The following UVRAG variants were observed in gnomAD, a reference collection of about 807,000 sequenced individuals.
UVRAG encodes UV radiation resistance-associated gene protein.
UVRAG carries 19 observed loss-of-function variants against 78.0 expected under a neutral mutation model. That is an observed-to-expected ratio of 0.24 (90% CI 0.17 to 0.36). UVRAG has a LOEUF of 0.36. Among genes scored for constraint, UVRAG ranks in the 10% least tolerant of loss-of-function variants. UVRAG has a pLI of 1.00. For missense variants in UVRAG, 740 were observed against 853.8 expected (o/e 0.87, Z 1.66); for synonymous variants, 323 against 324.6 (o/e 1.00, Z 0.05).
intron 13 of UVRAG, among the ~76,000 whole-genome samples, chr11:76,071,425 A>G (rs927884250): frequency 2.1e-4 from 32 of 152,140 alleles, no homozygotes; most frequent in African/African-American, 7.5e-4. Flanking sequence ...TGGCAGAGGT[A>G]CCCAGGGAGC....
chr11:75,952,088 TG>T (rs1296286205), intron 6 of UVRAG, among the ~76,000 whole-genome samples: 2 of 152,208 alleles, frequency 1.3e-5, no homozygotes, highest in Admixed American at 1.3e-4. Context: ...AGTTATTTAT[TG>T]ATATTAAATA....
intron 1 of UVRAG, among the ~76,000 whole-genome samples, chr11:75,825,769 A>G (rs745997107): frequency 6.6e-6 from 1 of 152,068 alleles, no homozygotes; most frequent in Non-Finnish European, 1.5e-5. Flanking sequence ...TGCTTGTGGC[A>G]GAGAAATAAA....
At chr11:75,952,499 T>G (rs374629801) in intron 6 of UVRAG, among the ~76,000 whole-genome samples, 1 of 152,004 alleles carries the variant, frequency 6.6e-6, no homozygotes, top group South Asian at 2.1e-4. Flanking sequence ...AAATGCTTCT[T>G]TTTTTGAATC....
At chr11:76,065,560 A>C in intron 12 of UVRAG, 150 bp from the exon 13 acceptor site, 1 of 587,438 alleles carries the variant, frequency 1.7e-6, no homozygotes, top group Non-Finnish European at 3.0e-6. Context: ...TATTATGAAG[A>C]TGTCAGTAGA....
intron 13 of UVRAG, among the ~76,000 whole-genome samples, chr11:76,076,308 G>A (rs1010120899): frequency 4.6e-5 from 7 of 152,168 alleles, no homozygotes; most frequent in African/African-American, 1.4e-4. Flanking sequence ...TGGACTCACA[G>A]ATCCACATGA....
At chr11:76,081,599 A>G (rs1951495234) in intron 13 of UVRAG, among the ~76,000 whole-genome samples, 1 of 152,138 alleles carries the variant, frequency 6.6e-6, no homozygotes, top group South Asian at 2.1e-4. Context: ...TAACAGTAAT[A>G]TTCTACAATT....
intron 13 of UVRAG, among the ~76,000 whole-genome samples, chr11:76,091,137 G>T (rs1461273495): frequency 6.6e-6 from 1 of 152,108 alleles, no homozygotes; most frequent in Non-Finnish European, 1.5e-5. Flanking sequence ...TGACTGAAAT[G>T]GAATGTTAGG....
At chr11:76,120,457 G>C (rs1233219337) in intron 14 of UVRAG, among the ~76,000 whole-genome samples, 1 of 152,110 alleles carries the variant, frequency 6.6e-6, no homozygotes, top group Non-Finnish European at 1.5e-5. Context: ...GCAACTCTCA[G>C]TTCTAAGGTA....
intron 6 of UVRAG, among the ~76,000 whole-genome samples, chr11:75,945,213 G>C (rs1221325093): frequency 1.3e-5 from 2 of 152,082 alleles, no homozygotes; most frequent in East Asian, 3.8e-4. Context: ...TTGTGCTTTG[G>C]GGGGTTAAGA....
Position 76,141,455 on chromosome 11 carries a change from T to A in UVRAG, c.*42T>A. ...GTAGGACTGGGGCAGAAGCTCTGCC[T>A]AAAATGAAGTGAAAGCTGCACTTAA... On this transcript the variant is annotated 3_prime_UTR_variant, in exon 15 of 15. Coordinates refer to ENST00000356136, the MANE Select transcript of UVRAG (RefSeq NM_003369.4). 2 of 1,548,452 alleles carry A rather than the reference T, an allele frequency of 1.3e-6. No homozygotes were observed. Among genetic ancestry groups the A allele is most frequent in the Non-Finnish European group, 1.8e-6 (2 of 1,135,436 alleles).
chr11:75,982,182 C>T (rs1253480895), intron 7 of UVRAG, among the ~76,000 whole-genome samples: 1 of 152,122 alleles, frequency 6.6e-6, no homozygotes, highest in African/African-American at 2.4e-5. Flanking sequence ...TAGCTGGCTT[C>T]CTCTGAGACC....
chr11:75,925,448 T>C (rs541155122), intron 6 of UVRAG, among the ~76,000 whole-genome samples: 7 of 152,348 alleles, frequency 4.6e-5, no homozygotes, highest in Non-Finnish European at 1.5e-5. Context: ...TGTTTATCTA[T>C]TGAGAGTGGA....
At chr11:75,917,849 TG>T (rs1408153106) in intron 6 of UVRAG, among the ~76,000 whole-genome samples, 1 of 152,246 alleles carries the variant, frequency 6.6e-6, no homozygotes, top group African/African-American at 2.4e-5. Flanking sequence ...ATGTCTCATC[TG>T]TCGACCCTTC....
intron 10 of UVRAG, 64 bp downstream of exon 10, chr11:76,007,685 C>T: frequency 1.5e-6 from 2 of 1,311,408 alleles, no homozygotes; most frequent in Admixed American, 1.8e-5. Flanking sequence ...ATGACATTTC[C>T]TCTCAATGAA....
chr11:75,871,330 A>G (rs957519203), intron 3 of UVRAG, among the ~76,000 whole-genome samples: 5 of 129,668 alleles, frequency 3.9e-5, no homozygotes, highest in Non-Finnish European at 7.8e-5. Flanking sequence ...CTTGTTGCCC[A>G]GGCTGGAGTG....
chr11:75,979,727 A>C (rs1949348205), intron 7 of UVRAG: 2 of 152,394 alleles, frequency 1.3e-5, no homozygotes, highest in African/African-American at 4.8e-5. Flanking sequence ...CCTTTGGAAA[A>C]GCACAGTATT....
intron 13 of UVRAG, among the ~76,000 whole-genome samples, chr11:76,102,691 T>C (rs1011356370): frequency 5.9e-5 from 9 of 152,204 alleles, no homozygotes; most frequent in Middle Eastern, 3.2e-3. Flanking sequence ...TTAAGTATGA[T>C]GTTGACTGTA....
intron 4 of UVRAG, among the ~76,000 whole-genome samples, chr11:75,885,608 C>T (rs1019826087): frequency 2.0e-5 from 3 of 151,952 alleles, no homozygotes; most frequent in Non-Finnish European, 2.9e-5. Flanking sequence ...TGCTGTTTTT[C>T]GTAAAGATAT....
intron 6 of UVRAG, among the ~76,000 whole-genome samples, chr11:75,932,581 G>A (rs1031828886): frequency 2.6e-5 from 4 of 152,082 alleles, no homozygotes; most frequent in African/African-American, 9.7e-5. Flanking sequence ...ACTGTGCCTG[G>A]CCCAGATGAT....
Sources: gnomAD v4.1 joint callset for allele counts (sites outside exome capture counted in the v4.1 genomes callset) on GRCh38, gnomAD v4.1.1 for gene constraint, MANE v1.5 for transcripts, NCBI Gene and HGNC (gene_info 2026-07-23, HGNC 2026-07-21) for gene names.